The following PHIP variants were observed in gnomAD, a reference collection of about 807,000 sequenced individuals.
The protein encoded by PHIP is PH-interacting protein.
PHIP carries 54 observed loss-of-function variants against 236.8 expected under a neutral mutation model. The observed-to-expected ratio is 0.23, with a 90% confidence interval of 0.18 to 0.29. PHIP has a LOEUF of 0.29. Ranked by LOEUF, PHIP falls within the 10% of genes least tolerant of loss-of-function variation. The pLI, the probability that PHIP is intolerant of heterozygous loss-of-function variation, is 1.00. For synonymous variants in PHIP, 756 were observed against 718.9 expected (o/e 1.05, Z -0.83); for missense variants, 1,370 against 2,190.8 (o/e 0.63, Z 7.48).
In PHIP at chr6:78,939,589, GTATA is replaced by G. The variant is rs1177998158; in HGVS notation, c.*1100_*1103del. ...GGTAATAGTATATAAGTATGTGTTT[GTATA>G]TATATTTAATTATACCCATTTATCA... On this transcript the variant is annotated 3_prime_UTR_variant, in exon 40 of 40. Coordinates refer to ENST00000275034, the MANE Select transcript of PHIP (RefSeq NM_017934.7). 6.6e-6 allele frequency: 1 copy of G among 151,728 alleles called. No homozygotes were observed. Among genetic ancestry groups the G allele is most frequent in the Non-Finnish European group, 1.5e-5 (1 of 67,790 alleles). The allele number at this position is 151,728 out of a possible 1,614,324, so 9.4% of individuals were successfully genotyped here.
intron 36 of PHIP, 130 bp downstream of exon 36, chr6:78,947,493 C>T: frequency 1.8e-6 from 1 of 544,172 alleles, no homozygotes; most frequent in Non-Finnish European, 3.2e-6. Context: ...TTTCTTTTTC[C>T]AGTAGGACAA....
chr6:79,030,650 G>A (rs185677633), intron 7 of PHIP, among the ~76,000 whole-genome samples: 2 of 152,254 alleles, frequency 1.3e-5, no homozygotes, highest in Non-Finnish European at 2.9e-5. Context: ...GTGAGTAATA[G>A]ATCTGAAGCT....
chr6:78,958,985 AG>A (rs1766596809), intron 31 of PHIP, among the ~76,000 whole-genome samples: 1 of 152,146 alleles, frequency 6.6e-6, no homozygotes, highest in Non-Finnish European at 1.5e-5. Context: ...CTGAACAAAA[AG>A]GAAACAAGTA....
At chr6:79,044,412 C>T (rs967836028) in intron 6 of PHIP, among the ~76,000 whole-genome samples, 3 of 152,156 alleles carry the variant, frequency 2.0e-5, no homozygotes, top group Non-Finnish European at 2.9e-5. Flanking sequence ...ACCCCAGACA[C>T]ATTTTCTTCA....
rs1448592719 is a variant in PHIP, at chr6:78,938,698, AAAAT to A, written c.*1991_*1994del. On this transcript the variant is annotated 3_prime_UTR_variant, in exon 40 of 40. Transcript: ENST00000275034. ...TATAGTTAAATATATTTGTTAGAAA[AAAAT>A]AAATATACAAAAAACCTGAAAAATT... 4 of 151,836 alleles carry A rather than the reference AAAAT, an allele frequency of 2.6e-5. No individual in the cohort carries two copies. Among genetic ancestry groups the A allele is most frequent in the Non-Finnish European group, 3.0e-5 (2 of 67,640 alleles). 9.4% of individuals were successfully genotyped at this position (151,836 alleles called of 1,614,324 possible).
rs1771380308 is a variant in PHIP at position 79,025,952 on chromosome 6, T to C, written c.813A>G (p.Thr271=). ...GGATTAAGACAATTACCTGTAGTGA[T>C]GTAATAGATGCACTATGGCCCTGAA... is the stretch of plus-strand genomic sequence containing the variant. The part of the protein sequence containing the change: ...AVLQGHSASI[T]SLQFSPLCSG... Residue 271 remains threonine, a synonymous_variant, in exon 8 of 40, where the codon ACA becomes ACG. Coordinates refer to ENST00000275034, the MANE Select transcript of PHIP (RefSeq NM_017934.7). 3 of 1,597,136 alleles carry C rather than the reference T, an allele frequency of 1.9e-6. No individual in the cohort carries two copies. The highest frequency in any genetic ancestry group is 2.7e-5 in the African/African-American group (2 of 74,690).
chr6:78,945,044 A>C (rs1270949058), intron 39 of PHIP, among the ~76,000 whole-genome samples: 1 of 152,206 alleles, frequency 6.6e-6, no homozygotes. Flanking sequence ...CATTGGGTTA[A>C]CTATACCCTA....
At chr6:79,012,290 T>C (rs116063067) in intron 15 of PHIP, among the ~76,000 whole-genome samples, 220 of 151,894 alleles carry the variant, frequency 1.4e-3, no homozygotes, top group African/African-American at 4.9e-3. Flanking sequence ...TTTAAGAAAT[T>C]TGTACTAAAA....
chr6:79,049,043 T>G (rs1209429254), intron 6 of PHIP, among the ~76,000 whole-genome samples: 1 of 152,098 alleles, frequency 6.6e-6, no homozygotes, highest in Non-Finnish European at 1.5e-5. Context: ...TTTTACTTAA[T>G]TCATTTTTTA....
At chr6:79,027,288 T>C in intron 7 of PHIP, among the ~76,000 whole-genome samples, 1 of 152,116 alleles carries the variant, frequency 6.6e-6, no homozygotes, top group East Asian at 1.9e-4. Context: ...ACCCCCCAAT[T>C]AACGATAAAA....
At chr6:79,005,610 CAAGA>C (rs1770247290) in intron 15 of PHIP, among the ~76,000 whole-genome samples, 1 of 151,636 alleles carries the variant, frequency 6.6e-6, no homozygotes, top group Non-Finnish European at 1.5e-5. Context: ...TCACAGAAGC[CAAGA>C]GAGAGAACAA....
At chr6:79,067,683 C>G (rs1256357631) in intron 4 of PHIP, 1 of 152,572 alleles carries the variant, frequency 6.6e-6, no homozygotes, top group Non-Finnish European at 1.5e-5. Flanking sequence ...TTACCACCCC[C>G]TGATCGAAAG....
chr6:79,025,545 G>A lies in PHIP; in HGVS notation c.897C>T (p.Leu299=). 1 of 1,608,624 alleles carries A rather than the reference G, an allele frequency of 6.2e-7. No homozygotes were observed. Among genetic ancestry groups the A allele is most frequent in the Non-Finnish European group, 8.5e-7 (1 of 1,175,182 alleles). Residue 299 remains leucine, a synonymous_variant, in exon 9 of 40, where the codon CTC becomes CTT. Transcript: ENST00000275034. ...TTATTTTAAGGGTTCCAGCATCCCA[G>A]AGCCAAAAACAAATAGTGCCATCTG... ...TGADGTICFW[L]WDAGTLKINP...
chr6:78,938,440 T>C lies in PHIP; in HGVS notation c.*2253A>G, dbSNP rs1773352018. 1 of 151,018 alleles carries C rather than the reference T, an allele frequency of 6.6e-6. No individual in the cohort carries two copies. The highest frequency in any genetic ancestry group is 1.5e-5 in the Non-Finnish European group (1 of 67,442). 9.4% of individuals were successfully genotyped at this position (151,018 alleles called of 1,614,324 possible). On this transcript the variant is annotated 3_prime_UTR_variant, in exon 40 of 40. Coordinates refer to ENST00000275034, the MANE Select transcript of PHIP (RefSeq NM_017934.7). The stretch of plus-strand genomic sequence containing the variant: ...TCTGTACACAACTTAAAACTGTACA[T>C]TTTTTTTACAAAAATTGATTTTATA...
In PHIP at chr6:79,025,924, T is replaced by A; in HGVS notation, c.822+19A>T. 6.8e-7 allele frequency: 1 copy of A among 1,474,814 alleles called. No homozygotes were observed. Among genetic ancestry groups the A allele is most frequent in the Non-Finnish European group, 9.4e-7 (1 of 1,059,388 alleles). 91.4% of individuals were successfully genotyped at this position (1,474,814 alleles called of 1,614,324 possible). A position where few individuals can be genotyped will look rare whatever the true frequency, so the allele number is the denominator to read the frequency against. ...TAACAACAACAACAACAACAATGTA[T>A]AGGGATTAAGACAATTACCTGTAGT... On this transcript the variant is annotated intron_variant, in intron 8 of 39. Transcript: ENST00000275034.
chr6:79,008,356 A>G (rs1198921238), intron 15 of PHIP, among the ~76,000 whole-genome samples: 1 of 152,126 alleles, frequency 6.6e-6, no homozygotes, highest in Non-Finnish European at 1.5e-5. Context: ...ATTATTACAT[A>G]AAATGAAAAA....
At chr6:78,994,368 G>C (rs1423011507) in intron 19 of PHIP, among the ~76,000 whole-genome samples, 1 of 152,146 alleles carries the variant, frequency 6.6e-6, no homozygotes, top group Admixed American at 6.6e-5. Flanking sequence ...ACAAGGTCAG[G>C]AGATCAAGAC....
chr6:78,938,686 ATT>A lies in PHIP; in HGVS notation c.*2005_*2006del, dbSNP rs1773360480. 1.3e-5 allele frequency: 2 copies of A among 151,670 alleles called. No homozygotes were observed. Among genetic ancestry groups the A allele is most frequent in the Admixed American group, 1.3e-4 (2 of 15,228 alleles). 9.4% of individuals were successfully genotyped at this position (151,670 alleles called of 1,614,324 possible). On this transcript the variant is annotated 3_prime_UTR_variant, in exon 40 of 40. Coordinates refer to ENST00000275034, the MANE Select transcript of PHIP (RefSeq NM_017934.7). Reference sequence around the variant, plus strand: ...GAATTTTAATTTTATAGTTAAATATATTTGTTAGAAAAAAATAAATATACAAA... The same window carrying A: ...GAATTTTAATTTTATAGTTAAATATATGTTAGAAAAAAATAAATATACAAA...
In PHIP at chr6:78,939,803, A is replaced by AAGGACC. The variant is rs983418874; in HGVS notation, c.*884_*889dup. On this transcript the variant is annotated 3_prime_UTR_variant, in exon 40 of 40. Transcript: ENST00000275034. ...CATTTCCTCTAGAACATCTCTGTCA[A>AAGGACC]AGGACCCACCAGTGCATTATTTTCT... 6.6e-6 allele frequency: 1 copy of AAGGACC among 152,388 alleles called. No homozygotes were observed. The highest frequency in any genetic ancestry group is 2.4e-5 in the African/African-American group (1 of 41,420). The allele number at this position is 152,388 out of a possible 1,614,324, so 9.4% of individuals were successfully genotyped here.
Sources: gnomAD v4.1 joint callset for allele counts (sites outside exome capture counted in the v4.1 genomes callset) on GRCh38, gnomAD v4.1.1 for gene constraint, MANE v1.5 for transcripts, NCBI Gene and HGNC (gene_info 2026-07-23, HGNC 2026-07-21) for gene names.